The following RNF17 variants were observed in gnomAD, a reference collection of about 807,000 sequenced individuals.
RNF17 encodes ring finger protein 17.
A neutral mutation model predicts 200.5 loss-of-function variants in RNF17; 31 were observed. The observed-to-expected ratio is 0.15, with a 90% CI of 0.12 to 0.21. The LOEUF is 0.21. Among genes scored for constraint, RNF17 ranks in the 10% least tolerant of loss-of-function variants. RNF17 has a pLI of 1.00. For synonymous variants in RNF17, 606 were observed against 637.8 expected, an observed-to-expected ratio of 0.95 and a Z score of 0.75; for missense variants, 1,628 against 1,905.1, an observed-to-expected ratio of 0.85 and a Z score of 2.71.
intron 33 of RNF17, among the ~76,000 whole-genome samples, chr13:24,875,079 GA>G (rs1333030824): frequency 6.6e-6 from 1 of 152,070 alleles, no homozygotes; most frequent in Non-Finnish European, 1.5e-5. Flanking sequence ...AAAGTTCATG[GA>G]AAATGCATAC....
chr13:24,764,709 C>T (rs1879334837), intron 1 of RNF17, among the ~76,000 whole-genome samples: 1 of 152,114 alleles, frequency 6.6e-6, no homozygotes, highest in Admixed American at 6.5e-5. Context: ...TTGATTTTCT[C>T]CTGTAGTTTT....
chr13:24,827,728 A>AAAAAAAG (rs1888891469), intron 16 of RNF17, among the ~76,000 whole-genome samples: 1 of 148,288 alleles, frequency 6.7e-6, no homozygotes, highest in Non-Finnish European at 1.5e-5. Flanking sequence ...CAAAAAAAAA[A>AAAAAAAG]AAACAATAGA....
chr13:24,825,900 T>A (rs1178017721), intron 16 of RNF17, 128 bp downstream of exon 16: 2 of 1,404,110 alleles, frequency 1.4e-6, no homozygotes, highest in East Asian at 4.8e-5. Context: ...CATCTGTCTT[T>A]AGAAAAGCTA....
intron 24 of RNF17, 32 bp from the exon 25 acceptor site, chr13:24,853,823 T>C (rs1476561321): frequency 6.8e-7 from 1 of 1,479,532 alleles, no homozygotes; most frequent in Admixed American, 2.3e-5. Context: ...TATTTGCTTA[T>C]GTTTAGATGT....
At chr13:24,784,488 G>C (rs1420012608) in intron 6 of RNF17, among the ~76,000 whole-genome samples, 1 of 152,098 alleles carries the variant, frequency 6.6e-6, no homozygotes, top group South Asian at 2.1e-4. Flanking sequence ...ACTTTGTTGG[G>C]AGGTTTTTTG....
At chr13:24,783,878 G>T (rs192865222) in intron 6 of RNF17, among the ~76,000 whole-genome samples, 1 of 152,240 alleles carries the variant, frequency 6.6e-6, no homozygotes, top group Non-Finnish European at 1.5e-5. Context: ...CTTATTTCTT[G>T]TCTAATTGCT....
chr13:24,810,939 T>C (rs1286341295), intron 15 of RNF17, among the ~76,000 whole-genome samples: 1 of 150,298 alleles, frequency 6.7e-6, no homozygotes, highest in Non-Finnish European at 1.5e-5. Context: ...GGGTTGAAAA[T>C]TCTTTTCTTT....
downstream of RNF17, among the ~76,000 whole-genome samples, chr13:24,880,413 G>A (rs574880910): frequency 6.6e-6 from 1 of 152,310 alleles, no homozygotes; most frequent in Admixed American, 6.5e-5. Context: ...CACAGCCAAA[G>A]CATATTAAGA....
At chr13:24,885,237 T>C in the RNF17 span, 1 of 1,349,662 alleles carries the variant, frequency 7.4e-7, no homozygotes, top group Non-Finnish European at 1.1e-6. Flanking sequence ...CCCATGTTTA[T>C]TTTTTATAGA....
Position 24,825,737 on chromosome 13 carries a change from T to G in RNF17, c.2210T>G (p.Phe737Cys). 6.2e-7 allele frequency: 1 copy of G among 1,613,538 alleles called. No homozygotes were observed. The highest frequency in any genetic ancestry group is 8.5e-7 in the Non-Finnish European group (1 of 1,179,732). Reference protein sequence around the residue: ...PVQDQACVAKFEDGIWYRAKV... With the variant: ...PVQDQACVAKCEDGIWYRAKV... The stretch of plus-strand genomic sequence containing the variant: ...CAAGATCAAGCCTGTGTAGCTAAAT[T>G]TGAAGATGGAATTTGGTACCGAGCA... The change falls in exon 16 of 36, where the codon TTT becomes TGT. Residue 737 changes from phenylalanine (F) to cysteine (C), a missense_variant. Around this residue, in one of 5 missense-constraint regions of RNF17, gnomAD observed 289 missense variants for 384.9 expected, o/e 0.75. Transcript: ENST00000255324.
chr13:24,765,542 C>G (rs961144854), intron 1 of RNF17, among the ~76,000 whole-genome samples: 14 of 152,178 alleles, frequency 9.2e-5, no homozygotes, highest in African/African-American at 3.1e-4. Context: ...CAGTGGAGAA[C>G]CAAGTTTCTC....
At chr13:24,767,761 A>AAG (rs386378513) in intron 2 of RNF17, among the ~76,000 whole-genome samples, 112 of 152,120 alleles carry the variant, frequency 7.4e-4, no homozygotes, top group Admixed American at 2.2e-3. Context: ...AAAAAAAAAA[A>AAG]ACCCTAAAAT....
intron 32 of RNF17, among the ~76,000 whole-genome samples, chr13:24,873,659 A>G (rs566879988): frequency 6.6e-6 from 1 of 152,192 alleles, no homozygotes; most frequent in Admixed American, 6.5e-5. Context: ...CCTTCCAACT[A>G]TATGTTTGTA....
intron 20 of RNF17, 128 bp from the exon 21 acceptor site, chr13:24,844,524 C>A: frequency 1.4e-6 from 1 of 726,268 alleles, no homozygotes; most frequent in Non-Finnish European, 2.3e-6. Context: ...TACACTTGTA[C>A]ATTCAAGGAA....
intron 13 of RNF17, among the ~76,000 whole-genome samples, chr13:24,801,014 A>G (rs1215668221): frequency 6.6e-6 from 1 of 152,256 alleles, no homozygotes; most frequent in African/African-American, 2.4e-5. Flanking sequence ...CTATGAGAGC[A>G]GAGGAGTCTG....
chr13:24,800,419 T>G lies in RNF17; in HGVS notation c.1643T>G (p.Leu548Arg). 5.0e-6 allele frequency: 8 copies of G among 1,613,066 alleles called. No individual in the cohort carries two copies. Among genetic ancestry groups the G allele is most frequent in the Non-Finnish European group, 6.8e-6 (8 of 1,179,322 alleles). ...PEHSAKQHIA[L>R]NDLCLVLRKS... The stretch of plus-strand genomic sequence containing the variant: ...CACTCTGCTAAGCAACATATTGCAC[T>G]AAATGATTTATGTCTGGTTCTAAGG... Residue 548 changes from leucine (L) to arginine (R), a missense_variant, in exon 13 of 36, where the codon CTA becomes CGA. Leu to Arg is a moderately radical substitution (Grantham distance 102, BLOSUM62 -2). Around this residue, in one of 5 missense-constraint regions of RNF17, gnomAD observed 289 missense variants for 384.9 expected, o/e 0.75. Transcript: ENST00000255324.
chr13:24,759,806 A>C (rs1441577143), upstream of RNF17, among the ~76,000 whole-genome samples: 1 of 152,214 alleles, frequency 6.6e-6, no homozygotes, highest in Non-Finnish European at 1.5e-5. Context: ...GAGACTGTAA[A>C]GTCATTGTGT....
chr13:24,837,322 A>G (rs1168405517), intron 18 of RNF17, among the ~76,000 whole-genome samples: 1 of 152,198 alleles, frequency 6.6e-6, no homozygotes, highest in East Asian at 1.9e-4. Flanking sequence ...GGTCATCAAG[A>G]CAGTCAACAA....
chr13:24,838,786 A>C (rs1890290187), intron 18 of RNF17, among the ~76,000 whole-genome samples: 1 of 152,110 alleles, frequency 6.6e-6, no homozygotes, highest in African/African-American at 2.4e-5. Flanking sequence ...ACTCTTAACC[A>C]CTCTTCTTCA....
Sources: gnomAD v4.1 joint callset for allele counts (sites outside exome capture counted in the v4.1 genomes callset) on GRCh38, gnomAD v4.1.1 for gene constraint, gnomAD v4.1.1 regional missense constraint, MANE v1.5 for transcripts, NCBI Gene and HGNC (gene_info 2026-07-23, HGNC 2026-07-21) for gene names.